Variants in RTCB observed in about 807,000 individuals in gnomAD.
RTCB encodes the protein RNA 2',3'-cyclic phosphate and 5'-OH ligase.
A neutral mutation model predicts 58.2 loss-of-function variants in RTCB; 32 were observed. The ratio of observed to expected loss-of-function variants is 0.55; its 90% CI spans 0.41 to 0.74. The LOEUF is 0.74. RTCB is among the 30% of genes least tolerant of loss of function. RTCB has a pLI of 0.00. For synonymous variants in RTCB, 247 were observed against 218.6 expected (o/e 1.13, Z -1.15); for missense variants, 523 against 639.0 (o/e 0.82, Z 1.96).
intron 11 of RTCB, among the ~76,000 whole-genome samples, chr22:32,391,234 G>A (rs888888012): frequency 6.6e-6 from 1 of 152,090 alleles, no homozygotes; most frequent in Non-Finnish European, 1.5e-5. Context: ...CAGAAAGTAA[G>A]GTACTCAGCT....
At position 32,408,186 on chromosome 22, in the gene RTCB, C is replaced by G. The variant is rs766296608; in HGVS notation, c.229G>C (p.Gly77Arg). The change falls in exon 3 of 12, where the codon GGA becomes CGA. Residue 77 changes from glycine to arginine, a missense_variant. By Grantham distance (125) the Gly-to-Arg change is moderately radical (BLOSUM62 -2). This residue lies in a region of RTCB where 134 missense variants were observed against 129.9 expected (regional missense o/e 1.03). Coordinates refer to ENST00000216038, the MANE Select transcript of RTCB (RefSeq NM_014306.5). ...KQIGNVAALPGIVHRSIGLPD... is the reference protein window; with the variant it reads ...KQIGNVAALPRIVHRSIGLPD... ...GAACTCTGACTCACATGAACAATTC[C>G]AGGCAGGGCTGCCACATTGCCAATC... 1 of 1,614,092 alleles carries G rather than the reference C, an allele frequency of 6.2e-7. No individual in the cohort carries two copies. The highest frequency in any genetic ancestry group is 8.5e-7 in the Non-Finnish European group (1 of 1,179,980).
intron 1 of RTCB, among the ~76,000 whole-genome samples, chr22:32,410,332 G>C (rs1318827777): frequency 6.6e-6 from 1 of 152,112 alleles, no homozygotes; most frequent in African/African-American, 2.4e-5. Context: ...CAAAAATGAC[G>C]TAAAGATGGG....
chr22:32,411,994 G>A (rs1410515792), intron 1 of RTCB, 70 bp downstream of exon 1: 5 of 1,207,474 alleles, frequency 4.1e-6, no homozygotes, highest in Non-Finnish European at 4.7e-6. Context: ...GAGGTCCAGA[G>A]GGCGCAGTGG....
At position 32,387,972 on chromosome 22, in the gene RTCB, C is replaced by T. The variant is rs140527947; in HGVS notation, c.*20G>A. 4.8e-4 allele frequency: 727 copies of T among 1,507,410 alleles called. 3 individuals are homozygous for T. The African/African-American group carries it at 9.0e-3, about 19-fold the overall frequency. 93.4% of individuals were successfully genotyped at this position (1,507,410 alleles called of 1,614,324 possible). A position where few individuals can be genotyped will look rare whatever the true frequency, so the allele number is the denominator to read the frequency against. On this transcript the variant is annotated 3_prime_UTR_variant, in exon 12 of 12. Coordinates refer to ENST00000216038, the MANE Select transcript of RTCB (RefSeq NM_014306.5). ...TTCAGAGAGGGTTGGTGGTGTCAGG[C>T]AGCCCTGCTGTCCAAGGTTCTATCC...
intron 7 of RTCB, among the ~76,000 whole-genome samples, chr22:32,397,535 C>G (rs1037924981): frequency 6.6e-6 from 1 of 152,214 alleles, no homozygotes; most frequent in Non-Finnish European, 1.5e-5. Flanking sequence ...AGCAAATCCA[C>G]CATCACATCT....
Position 32,406,730 on chromosome 22 carries a change from C to G in RTCB, c.272G>C (p.Gly91Ala). 2 of 1,612,514 alleles carry G rather than the reference C, an allele frequency of 1.2e-6. No individual in the cohort carries two copies. Among genetic ancestry groups the G allele is most frequent in the Non-Finnish European group, 1.7e-6 (2 of 1,178,820 alleles). Residue 91 changes from glycine to alanine, a missense_variant, in exon 4 of 12, where the codon GGA (glycine) becomes GCA (alanine). Coordinates refer to ENST00000216038, the MANE Select transcript of RTCB (RefSeq NM_014306.5). ...RSIGLPDVHS[G>A]YGFAIGNMAA... ...CATGTTCCCAATAGCAAACCCATAT[C>G]CTGAATGGACATCAGGAAGCCCAAT...
At chr22:32,388,852 G>A (rs762855104) in intron 11 of RTCB, among the ~76,000 whole-genome samples, 44 of 152,066 alleles carry the variant, frequency 2.9e-4, no homozygotes, top group Non-Finnish European at 6.0e-4. Context: ...TGTGGCCTCT[G>A]GAACTCCTTC....
intron 1 of RTCB, among the ~76,000 whole-genome samples, chr22:32,411,022 T>C (rs186672887): frequency 6.6e-6 from 1 of 152,314 alleles, no homozygotes; most frequent in African/African-American, 2.4e-5. Context: ...TGTTAGATTT[T>C]CTATTCCTTC....
In RTCB at chr22:32,396,251, T is replaced by C; in HGVS notation, c.815-2A>G. The C allele has an allele frequency of 6.2e-7, 1 of 1,613,858 alleles. No individual in the cohort carries two copies. Among genetic ancestry groups the C allele is most frequent in the Non-Finnish European group, 8.5e-7 (1 of 1,179,828 alleles). ...CCTTCTCCATAGCTACCAGCGCATC[T>C]GGAACAAGAGCCACAAAGTCCAAAC... On this transcript the variant is annotated splice_acceptor_variant, in intron 7 of 11. Transcript: ENST00000216038. LOFTEE classifies it high-confidence loss of function.
intron 8 of RTCB, among the ~76,000 whole-genome samples, chr22:32,395,521 T>C (rs5998473): frequency 0.083 from 12,581 of 152,254 alleles, 748 homozygotes; most frequent in African/African-American, 0.17. Flanking sequence ...TTCTCTATGC[T>C]GTTCAAGACA....
At chr22:32,408,080 C>A in intron 3 of RTCB, 95 bp downstream of exon 3, 1 of 1,143,802 alleles carries the variant, frequency 8.7e-7, no homozygotes, top group Non-Finnish European at 1.3e-6. Context: ...GTCCAAAGGT[C>A]ATTGTCTAAA....
Position 32,387,758 on chromosome 22 carries a change from G to C in RTCB, c.*234C>G. 1 of 456,518 alleles carries C rather than the reference G, an allele frequency of 2.2e-6. No individual in the cohort carries two copies. Among genetic ancestry groups the C allele is most frequent in the Non-Finnish European group, 4.0e-6 (1 of 251,190 alleles). The allele number at this position is 456,518 out of a possible 1,614,324, so 28.3% of individuals were successfully genotyped here. ...TAAAACTCTGTGGAACAACCAAGGA[G>C]AAGGCATATTCCTCCCTTTCCAAAG... is the stretch of plus-strand genomic sequence containing the variant. On this transcript the variant is annotated 3_prime_UTR_variant, in exon 12 of 12. Transcript: ENST00000216038.
intron 11 of RTCB, among the ~76,000 whole-genome samples, chr22:32,389,278 T>C (rs569722948): frequency 7.7e-4 from 117 of 152,286 alleles, no homozygotes; most frequent in Middle Eastern, 3.4e-3. Context: ...CAGATCCCAC[T>C]CTCACTTGCT....
intron 11 of RTCB, among the ~76,000 whole-genome samples, chr22:32,390,078 C>T (rs983988044): frequency 2.0e-5 from 3 of 152,226 alleles, no homozygotes; most frequent in East Asian, 3.9e-4. Context: ...CTACTGTCAC[C>T]TCACTGAAGT....
At position 32,410,516 on chromosome 22, in the gene RTCB, C is replaced by G. The variant is rs528916606; in HGVS notation, c.93+1548G>C. Among the ~76,000 whole-genome samples the G allele has an allele frequency of 5.7e-4, 87 of 152,126 alleles. 2 individuals carry two copies. The South Asian group carries it at 0.017, about 31-fold the overall frequency. The stretch of plus-strand genomic sequence containing the variant: ...TTTTAAGAGCAATGCATTAACATTC[C>G]AAGTCTCTATTCCCAAAGGAAAGGT... On this transcript the variant is annotated intron_variant, in intron 1 of 11. Coordinates refer to ENST00000216038, the MANE Select transcript of RTCB (RefSeq NM_014306.5).
At chr22:32,407,451 C>G (rs1010096801) in intron 3 of RTCB, 4 of 152,474 alleles carry the variant, frequency 2.6e-5, no homozygotes, top group Non-Finnish European at 5.9e-5. Flanking sequence ...GCTATGCTGT[C>G]CTCTCTTCCT....
At chr22:32,404,506 A>G (rs530352774) in intron 4 of RTCB, among the ~76,000 whole-genome samples, 49 of 152,252 alleles carry the variant, frequency 3.2e-4, no homozygotes, top group Middle Eastern at 3.4e-3. Flanking sequence ...TCCTGGGCTC[A>G]GGTGGTTCTC....
chr22:32,395,253 C>T (rs1368581352), intron 8 of RTCB, 39 bp from the exon 9 acceptor site: 1 of 1,575,396 alleles, frequency 6.3e-7, no homozygotes, highest in Non-Finnish European at 8.7e-7. Context: ...GCCAGAACTT[C>T]AGGACTTATG....
In RTCB at chr22:32,398,006, T is replaced by C. The variant is rs1434233745; in HGVS notation, c.749A>G (p.His250Arg). The change falls in exon 7 of 12, where the codon CAT becomes CGT. Residue 250 changes from histidine (H) to arginine (R), a missense_variant. Coordinates refer to ENST00000216038, the MANE Select transcript of RTCB (RefSeq NM_014306.5). The stretch of plus-strand genomic sequence containing the variant: ...GATCATCACACACACCTGTCCCTTA[T>C]GGTCGATGCCCATTTTTTTAGCAGC... ...EYAAKKMGID[H>R]KGQVCVMIHS... 6.2e-7 allele frequency: 1 copy of C among 1,614,212 alleles called. No homozygotes were observed.
Sources: gnomAD v4.1 joint callset for allele counts (sites outside exome capture counted in the v4.1 genomes callset) on GRCh38, gnomAD v4.1.1 for gene constraint, gnomAD v4.1.1 regional missense constraint, MANE v1.5 for transcripts, NCBI Gene and HGNC (gene_info 2026-07-23, HGNC 2026-07-21) for gene names.